EYA1: variants seen among roughly 807,000 people sequenced by gnomAD.
EYA1 encodes the protein EYA transcriptional coactivator and phosphatase 1.
In EYA1, 16 loss-of-function variants were observed where a neutral mutation model predicts 82.0. The ratio of observed to expected loss-of-function variants is 0.20; its 90% CI spans 0.13 to 0.30. The LOEUF (loss-of-function observed/expected upper bound fraction) is 0.30. EYA1 is among the 10% of genes least tolerant of loss of function. The pLI is 1.00. For synonymous variants in EYA1, 261 were observed against 264.4 expected, an observed-to-expected ratio of 0.99 and a Z score of 0.12; for missense variants, 633 against 730.7, an observed-to-expected ratio of 0.87 and a Z score of 1.54.
At chr8:71,332,491 C>A (rs191793306) in intron 4 of EYA1, among the ~76,000 whole-genome samples, 3 of 152,122 alleles carry the variant, frequency 2.0e-5, no homozygotes, top group Non-Finnish European at 1.5e-5. Context: ...AATTCTACTT[C>A]GTAAATGAAA....
rs1469188128 is a variant in EYA1 at position 71,452,131 on chromosome 8, A to G, written c.33+83613T>C. Among the ~76,000 whole-genome samples the G allele has an allele frequency of 3.3e-5, 5 of 152,220 alleles. No homozygotes were observed. In the East Asian group the frequency reaches 5.8e-4, roughly 18 times the overall value. On this transcript the variant is annotated intron_variant, in intron 2 of 18. Coordinates refer to the EYA1 transcript ENST00000643681. ...CACACCAGGAGATTATATCCCACGCATGGCTTGGAGGGTCCCACACCCACA... is the reference window on the plus strand; with the variant it reads ...CACACCAGGAGATTATATCCCACGCGTGGCTTGGAGGGTCCCACACCCACA...
chr8:71,250,832 T>C (rs906994221), intron 11 of EYA1, among the ~76,000 whole-genome samples: 2 of 152,134 alleles, frequency 1.3e-5, no homozygotes, highest in African/African-American at 4.8e-5. Flanking sequence ...GAGGAATAAA[T>C]GAATGAAAAG....
At chr8:71,335,251 T>C (rs1330495362) in intron 3 of EYA1, among the ~76,000 whole-genome samples, 2 of 152,096 alleles carry the variant, frequency 1.3e-5, no homozygotes, top group African/African-American at 2.4e-5. Flanking sequence ...ATAAAGCAAA[T>C]ACATTTTGAA....
intron 4 of EYA1, among the ~76,000 whole-genome samples, chr8:71,326,376 C>T (rs575803086): frequency 6.6e-6 from 1 of 152,242 alleles, no homozygotes; most frequent in South Asian, 2.1e-4. Context: ...AGTCTGTTTT[C>T]CCAACAAAAT....
At chr8:71,215,006 CTGT>C (rs1809002592) in intron 16 of EYA1, among the ~76,000 whole-genome samples, 1 of 152,136 alleles carries the variant, frequency 6.6e-6, no homozygotes, top group Non-Finnish European at 1.5e-5. Context: ...AGTAATAAAT[CTGT>C]TATTAGAGTT....
At chr8:71,329,102 C>G (rs1444970792) in intron 4 of EYA1, among the ~76,000 whole-genome samples, 2 of 152,142 alleles carry the variant, frequency 1.3e-5, no homozygotes, top group East Asian at 3.9e-4. Flanking sequence ...GCGGAACTAA[C>G]TACAGAGGCA....
chr8:71,518,931 C>T (rs905373945), intron 2 of EYA1, among the ~76,000 whole-genome samples: 9 of 152,098 alleles, frequency 5.9e-5, no homozygotes, highest in Admixed American at 1.3e-4. Flanking sequence ...TATTATTGAA[C>T]CCTTTTTTCC....
intron 4 of EYA1, among the ~76,000 whole-genome samples, chr8:71,333,043 C>G (rs558471391): frequency 6.2e-4 from 94 of 152,304 alleles, no homozygotes; most frequent in African/African-American, 2.2e-3. Flanking sequence ...CCCTCTGCAT[C>G]ATCAAACTGT....
chr8:71,365,738 A>G (rs982925031), upstream of EYA1, among the ~76,000 whole-genome samples: 16 of 152,146 alleles, frequency 1.1e-4, no homozygotes, highest in African/African-American at 2.9e-4. Flanking sequence ...GGCATTCTGA[A>G]TGGTCACTTC....
At chr8:71,522,644 A>C (rs1426430240) in intron 2 of EYA1, among the ~76,000 whole-genome samples, 2 of 146,506 alleles carry the variant, frequency 1.4e-5, no homozygotes, top group Non-Finnish European at 3.0e-5. Flanking sequence ...TTTTTGAGAC[A>C]GGATCTCTCT....
At chr8:71,241,251 G>A (rs1163568622) in intron 12 of EYA1, among the ~76,000 whole-genome samples, 1 of 151,950 alleles carries the variant, frequency 6.6e-6, no homozygotes, top group Non-Finnish European at 1.5e-5. Context: ...GATATAAATT[G>A]TGATTTTCTT....
intron 2 of EYA1, among the ~76,000 whole-genome samples, chr8:71,491,095 C>T (rs2129224545): frequency 6.6e-6 from 1 of 152,164 alleles, no homozygotes; most frequent in South Asian, 2.1e-4. Context: ...TCTGGACTCA[C>T]CTCTTCATTT....
chr8:71,429,129 TA>T (rs897944260), intron 2 of EYA1, among the ~76,000 whole-genome samples: 1 of 152,230 alleles, frequency 6.6e-6, no homozygotes, highest in African/African-American at 2.4e-5. Context: ...CATTAGAATA[TA>T]TAATTTATCC....
At chr8:71,533,688 A>G (rs1365346518) in intron 2 of EYA1, among the ~76,000 whole-genome samples, 1 of 152,200 alleles carries the variant, frequency 6.6e-6, no homozygotes, top group East Asian at 1.9e-4. Flanking sequence ...CAAAGGAGTA[A>G]CCTGAGAGCC....
intron 11 of EYA1, among the ~76,000 whole-genome samples, chr8:71,250,387 G>A (rs959207432): frequency 1.3e-5 from 2 of 152,102 alleles, no homozygotes; most frequent in African/African-American, 4.8e-5. Context: ...TACAGGCAGC[G>A]CTCCCCGCTG....
Position 71,199,396 on chromosome 8 carries a change from A to T in EYA1, c.1723T>A (p.Ser575Thr). 1 of 1,613,038 alleles carries T rather than the reference A, an allele frequency of 6.2e-7. No homozygotes were observed. Among genetic ancestry groups the T allele is most frequent in the Non-Finnish European group, 8.5e-7 (1 of 1,179,748 alleles). ...AGGGCCATGAGGTCCGAGTGGCTGG[A>T]GATCCTCCAGAAGGGCATCGCGTGC... ...KKHAMPFWRISSHSDLMALHH... is the reference protein window; with the variant it reads ...KKHAMPFWRITSHSDLMALHH... Residue 575 changes from serine (S) to threonine (T), a missense_variant, in exon 18 of 18, where the codon TCC becomes ACC. Ser to Thr is a moderately conservative substitution (Grantham distance 58, BLOSUM62 1). Coordinates refer to ENST00000340726, the MANE Select transcript of EYA1 (RefSeq NM_000503.6).
intron 9 of EYA1, among the ~76,000 whole-genome samples, chr8:71,289,198 CTATT>C (rs1181081726): frequency 6.6e-6 from 1 of 152,114 alleles, no homozygotes; most frequent in African/African-American, 2.4e-5. Context: ...TGACAGGTGA[CTATT>C]TAAGTAGGAT....
chr8:71,492,677 G>T (rs1475177861), intron 2 of EYA1, among the ~76,000 whole-genome samples: 1 of 152,064 alleles, frequency 6.6e-6, no homozygotes, highest in African/African-American at 2.4e-5. Context: ...GTGTTAGCCA[G>T]GATGGTCTCA....
chr8:71,468,150 T>C (rs1050815757), intron 2 of EYA1, among the ~76,000 whole-genome samples: 1 of 152,168 alleles, frequency 6.6e-6, no homozygotes, highest in Admixed American at 6.6e-5. Flanking sequence ...GCTATTTTTA[T>C]ACATTTGGAT....
Sources: allele counts gnomAD v4.1 joint callset (sites outside exome capture counted in the v4.1 genomes callset), GRCh38; gene constraint gnomAD v4.1.1; transcripts MANE v1.5; gene names NCBI Gene and HGNC (gene_info 2026-07-23, HGNC 2026-07-21).